SLC24A2: variants seen among roughly 807,000 people sequenced by gnomAD.
SLC24A2 encodes sodium/potassium/calcium exchanger 2.
SLC24A2 carries 36 observed loss-of-function variants against 62.0 expected under a neutral mutation model. The ratio of observed to expected loss-of-function variants is 0.58; its 90% CI spans 0.44 to 0.77. The LOEUF (loss-of-function observed/expected upper bound fraction) is 0.77. Among genes scored for constraint, SLC24A2 ranks in the 30% least tolerant of loss-of-function variants. The probability of loss-of-function intolerance (pLI) is 0.00; values close to 1 mark genes in which losing one functional copy is unlikely to be tolerated. For synonymous variants in SLC24A2, 358 were observed against 294.0 expected (o/e 1.22, Z -2.23); for missense variants, 846 against 817.9 (o/e 1.03, Z -0.42).
the SLC24A2 span, among the ~76,000 whole-genome samples, chr9:19,883,460 C>T: frequency 0.12 from 18,136 of 152,120 alleles, 3,330 homozygotes; most frequent in African/African-American, 0.4. Context: ...AATTATTTCA[C>T]AAGTAAAGAA....
chr9:20,049,039 G>T, the SLC24A2 span, among the ~76,000 whole-genome samples: 1 of 152,022 alleles, frequency 6.6e-6, no homozygotes, highest in Non-Finnish European at 1.5e-5. Flanking sequence ...CCATCAACTC[G>T]TTTTATCAGC....
At chr9:19,945,999 G>T in the SLC24A2 span, among the ~76,000 whole-genome samples, 1 of 152,130 alleles carries the variant, frequency 6.6e-6, no homozygotes, top group African/African-American at 2.4e-5. Context: ...GTCACCCAAG[G>T]TCCCAATCAG....
At chr9:19,911,948 T>C in the SLC24A2 span, among the ~76,000 whole-genome samples, 1 of 152,146 alleles carries the variant, frequency 6.6e-6, no homozygotes, top group Non-Finnish European at 1.5e-5. Flanking sequence ...TTACATGCCA[T>C]TGAGCCTTTT....
intron 3 of SLC24A2, among the ~76,000 whole-genome samples, chr9:19,621,878 A>G (rs1817916573): frequency 1.3e-5 from 2 of 152,168 alleles, no homozygotes; most frequent in Admixed American, 6.5e-5. Context: ...GAAATTTCCA[A>G]TCAAAGTATG....
At chr9:20,168,042 T>A in the SLC24A2 span, among the ~76,000 whole-genome samples, 1 of 151,984 alleles carries the variant, frequency 6.6e-6, no homozygotes, top group African/African-American at 2.4e-5. Flanking sequence ...TCCCATAGGG[T>A]CATTATCCAT....
the SLC24A2 span, among the ~76,000 whole-genome samples, chr9:20,068,111 T>G: frequency 6.3e-5 from 9 of 143,740 alleles, no homozygotes; most frequent in African/African-American, 2.4e-4. Flanking sequence ...TCACCCAGGC[T>G]GGAGTGCAGT....
chr9:19,755,424 T>A (rs1267523471), intron 2 of SLC24A2, among the ~76,000 whole-genome samples: 2 of 152,172 alleles, frequency 1.3e-5, no homozygotes, highest in Non-Finnish European at 2.9e-5. Context: ...CCACGTGACT[T>A]GGGAGCAACC....
At chr9:19,556,702 A>AT (rs1835103876) in intron 7 of SLC24A2, among the ~76,000 whole-genome samples, 1 of 152,210 alleles carries the variant, frequency 6.6e-6, no homozygotes, top group Non-Finnish European at 1.5e-5. Flanking sequence ...TCAGTGTGGA[A>AT]TGATGCTGGG....
intron 7 of SLC24A2, among the ~76,000 whole-genome samples, chr9:19,569,750 G>T (rs996015001): frequency 2.0e-5 from 3 of 152,074 alleles, no homozygotes; most frequent in Admixed American, 6.5e-5. Flanking sequence ...TGATCTACAA[G>T]ACCTACCAGC....
At chr9:20,023,123 C>G in the SLC24A2 span, among the ~76,000 whole-genome samples, 1 of 152,154 alleles carries the variant, frequency 6.6e-6, no homozygotes, top group Admixed American at 6.5e-5. Context: ...TCATAAAAAG[C>G]CACGACAGAC....
the SLC24A2 span, among the ~76,000 whole-genome samples, chr9:20,163,424 G>C: frequency 1.3e-5 from 2 of 152,124 alleles, no homozygotes; most frequent in East Asian, 3.9e-4. Context: ...CAACTTACAA[G>C]GGACGTGAAG....
chr9:20,229,110 C>A, the SLC24A2 span, among the ~76,000 whole-genome samples: 4 of 152,112 alleles, frequency 2.6e-5, no homozygotes, highest in Non-Finnish European at 5.9e-5. Context: ...ACATACAATC[C>A]ATTTTCTAAT....
At chr9:19,577,107 C>A in intron 5 of SLC24A2, 85 bp from the exon 6 acceptor site, 2 of 1,005,690 alleles carry the variant, frequency 2.0e-6, no homozygotes, top group East Asian at 2.4e-5. Flanking sequence ...CCTCCTCAGT[C>A]ACGCTGCACT....
chr9:20,030,689 T>G, the SLC24A2 span, among the ~76,000 whole-genome samples: 5 of 152,236 alleles, frequency 3.3e-5, no homozygotes, highest in Non-Finnish European at 7.4e-5. Flanking sequence ...GTAAGAGTTC[T>G]GTAAATACTA....
chr9:20,251,339 C>A, the SLC24A2 span, among the ~76,000 whole-genome samples: 6 of 148,594 alleles, frequency 4.0e-5, no homozygotes, highest in African/African-American at 1.5e-4. Flanking sequence ...TAGCAAATTC[C>A]TTCATGAGCT....
At chr9:20,005,257 T>G in the SLC24A2 span, among the ~76,000 whole-genome samples, 1 of 152,174 alleles carries the variant, frequency 6.6e-6, no homozygotes, top group Non-Finnish European at 1.5e-5. Context: ...TTGAACAAAT[T>G]GTTGGACTTG....
the SLC24A2 span, among the ~76,000 whole-genome samples, chr9:19,831,452 T>C: frequency 6.6e-6 from 1 of 152,118 alleles, no homozygotes; most frequent in East Asian, 1.9e-4. Context: ...GCAGATAAAA[T>C]AAGGCCACTT....
chr9:19,846,329 TTTA>T, the SLC24A2 span, among the ~76,000 whole-genome samples: 8 of 152,178 alleles, frequency 5.3e-5, no homozygotes, highest in African/African-American at 1.9e-4. Flanking sequence ...AATATAATCC[TTTA>T]TTATTATGTA....
chr9:19,987,602 G>A, the SLC24A2 span, among the ~76,000 whole-genome samples: 3 of 152,064 alleles, frequency 2.0e-5, no homozygotes, highest in Non-Finnish European at 4.4e-5. Context: ...TTGGCTCCTT[G>A]GTCTCCTGAG....
Sources: gnomAD v4.1 joint callset for allele counts (sites outside exome capture counted in the v4.1 genomes callset) on GRCh38, gnomAD v4.1.1 for gene constraint, MANE v1.5 for transcripts, NCBI Gene and HGNC (gene_info 2026-07-23, HGNC 2026-07-21) for gene names.